Variants in GRM5 observed in about 807,000 individuals in gnomAD.
GRM5 encodes the protein glutamate metabotropic receptor 5.
A neutral mutation model predicts 83.1 loss-of-function variants in GRM5; 19 were observed. The ratio of observed to expected loss-of-function variants is 0.23; its 90% CI spans 0.16 to 0.34. The LOEUF is 0.34. Among genes scored for constraint, GRM5 ranks in the 10% least tolerant of loss-of-function variants. GRM5 has a pLI of 1.00. For synonymous variants in GRM5, 675 were observed against 633.6 expected (o/e 1.07, Z -0.98); for missense variants, 1,160 against 1,588.3 (o/e 0.73, Z 4.58).
At chr11:88,565,203 G>GT (rs1421418685) in intron 8 of GRM5, among the ~76,000 whole-genome samples, 1 of 152,208 alleles carries the variant, frequency 6.6e-6, no homozygotes, top group African/African-American at 2.4e-5. Flanking sequence ...GATGCTGCCA[G>GT]TATTTAATCC....
intron 3 of GRM5, among the ~76,000 whole-genome samples, chr11:88,814,904 C>T (rs140539754): frequency 6.6e-6 from 1 of 152,194 alleles, no homozygotes; most frequent in African/African-American, 2.4e-5. Context: ...ATCATGTAAG[C>T]ACCTAATAAT....
intron 2 of GRM5, among the ~76,000 whole-genome samples, chr11:89,037,998 A>T (rs537778289): frequency 6.6e-6 from 1 of 152,256 alleles, no homozygotes; most frequent in East Asian, 1.9e-4. Context: ...ATACATGTTG[A>T]TATTTATATT....
At chr11:89,048,250 T>C (rs555409161) in intron 1 of GRM5, among the ~76,000 whole-genome samples, 178 bp from the exon 2 acceptor site, 2 of 152,360 alleles carry the variant, frequency 1.3e-5, no homozygotes, top group South Asian at 4.1e-4. Flanking sequence ...ATGAAGCAGC[T>C]GATGTAGCTT....
At chr11:88,955,945 C>T (rs539395290) in intron 2 of GRM5, among the ~76,000 whole-genome samples, 1 of 152,284 alleles carries the variant, frequency 6.6e-6, no homozygotes, top group Non-Finnish European at 1.5e-5. Flanking sequence ...CTTTAAAGTT[C>T]CTATAAGATA....
At chr11:88,968,955 A>G (rs4121379) in intron 2 of GRM5, among the ~76,000 whole-genome samples, 17,551 of 152,084 alleles carry the variant, frequency 0.12, 3,301 homozygotes, top group African/African-American at 0.39. Context: ...TAGATTTTTT[A>G]AAAGAAAACT....
intron 2 of GRM5, among the ~76,000 whole-genome samples, chr11:88,989,074 T>A (rs1432721288): frequency 1.3e-5 from 2 of 151,278 alleles, no homozygotes; most frequent in African/African-American, 4.9e-5. Flanking sequence ...ACAAATTGGA[T>A]GAAGAGTCAA....
chr11:88,532,514 G>A (rs1195990704), intron 8 of GRM5, among the ~76,000 whole-genome samples: 1 of 152,104 alleles, frequency 6.6e-6, no homozygotes, highest in Non-Finnish European at 1.5e-5. Context: ...GACTAAGCTT[G>A]AGCATAAACA....
intron 2 of GRM5, among the ~76,000 whole-genome samples, chr11:89,006,550 C>T (rs1940530536): frequency 1.3e-5 from 2 of 152,162 alleles, no homozygotes; most frequent in South Asian, 4.1e-4. Flanking sequence ...GCTCCTAAAA[C>T]CAAATTATTA....
chr11:88,861,552 A>G (rs11021637), intron 2 of GRM5, among the ~76,000 whole-genome samples: 2,447 of 152,104 alleles, frequency 0.016, 65 homozygotes, highest in African/African-American at 0.056. Context: ...TGCAGCCTCA[A>G]CTTTCCAGGC....
At chr11:88,752,811 C>G (rs183620838) in intron 3 of GRM5, among the ~76,000 whole-genome samples, 2 of 152,184 alleles carry the variant, frequency 1.3e-5, no homozygotes, top group Non-Finnish European at 2.9e-5. Flanking sequence ...TGCACACTTA[C>G]AACTATCTAA....
intron 7 of GRM5, among the ~76,000 whole-genome samples, chr11:88,580,460 T>C (rs191577763): frequency 1.4e-4 from 22 of 152,350 alleles, no homozygotes; most frequent in African/African-American, 4.8e-4. Context: ...TCAGTGGCAA[T>C]AGATGCTAGA....
chr11:88,756,343 G>C (rs1942393136), intron 3 of GRM5, among the ~76,000 whole-genome samples: 1 of 152,086 alleles, frequency 6.6e-6, no homozygotes, highest in Admixed American at 6.6e-5. Context: ...CAGTAGAAGA[G>C]TCTACATTAT....
At chr11:88,911,804 A>G in intron 2 of GRM5, 1 of 304,680 alleles carries the variant, frequency 3.3e-6, no homozygotes, top group South Asian at 2.8e-5. Context: ...TGCTTACTTT[A>G]AATACAGTGG....
At chr11:88,587,640 A>G (rs755980826) in intron 7 of GRM5, among the ~76,000 whole-genome samples, 3 of 152,124 alleles carry the variant, frequency 2.0e-5, no homozygotes, top group Non-Finnish European at 4.4e-5. Flanking sequence ...CCTTCCCCCC[A>G]GCATTCTCCC....
intron 2 of GRM5, among the ~76,000 whole-genome samples, chr11:88,993,193 G>A (rs555723559): frequency 1.3e-5 from 2 of 149,996 alleles, no homozygotes; most frequent in African/African-American, 4.9e-5. Flanking sequence ...GTGAGTCCAG[G>A]AGGCAGAGCT....
intron 3 of GRM5, among the ~76,000 whole-genome samples, chr11:88,666,550 T>C (rs1015312867): frequency 6.6e-6 from 1 of 152,188 alleles, no homozygotes; most frequent in Non-Finnish European, 1.5e-5. Flanking sequence ...CATCTCCCAC[T>C]AGGCCCCACC....
chr11:88,942,951 G>A (rs183111912), intron 2 of GRM5, among the ~76,000 whole-genome samples: 1 of 151,998 alleles, frequency 6.6e-6, no homozygotes, highest in Non-Finnish European at 1.5e-5. Context: ...CATCTATCAA[G>A]CAAGCAACTT....
At chr11:88,860,689 A>T (rs1944546294) in intron 2 of GRM5, among the ~76,000 whole-genome samples, 1 of 152,186 alleles carries the variant, frequency 6.6e-6, no homozygotes, top group African/African-American at 2.4e-5. Context: ...TTGTAGCCAG[A>T]TTCCCTTTGG....
At chr11:89,011,258 G>A (rs1332033422) in intron 2 of GRM5, among the ~76,000 whole-genome samples, 2 of 151,842 alleles carry the variant, frequency 1.3e-5, no homozygotes, top group East Asian at 1.9e-4. Context: ...AGTAACTTAT[G>A]GGGAGGTTTC....
Sources: allele counts gnomAD v4.1 joint callset (sites outside exome capture counted in the v4.1 genomes callset), GRCh38; gene constraint gnomAD v4.1.1; transcripts MANE v1.5; gene names NCBI Gene and HGNC (gene_info 2026-07-23, HGNC 2026-07-21).